The following ASCC1 variants were observed in gnomAD, a reference collection of about 807,000 sequenced individuals.
ASCC1 encodes activating signal cointegrator 1 complex subunit 1, also known as ASC-1 complex subunit P50.
In ASCC1, 35 loss-of-function variants were observed where a neutral mutation model predicts 46.6. The observed-to-expected ratio is 0.75, with a 90% CI of 0.57 to 0.99. The LOEUF is 0.99. Ranked by LOEUF, ASCC1 falls within the 50% of genes least tolerant of loss-of-function variation. The pLI is 0.00. For synonymous variants in ASCC1, 143 were observed against 146.6 expected (o/e 0.98, Z 0.18); for missense variants, 376 against 428.7 (o/e 0.88, Z 1.09).
At chr10:72,101,656 C>T (rs1841775084) in intron 9 of ASCC1, among the ~76,000 whole-genome samples, 1 of 152,116 alleles carries the variant, frequency 6.6e-6, no homozygotes, top group African/African-American at 2.4e-5. Context: ...CTTCATCCTA[C>T]ATGGTGGGGA....
chr10:72,191,238 T>TA (rs1854442689), intron 5 of ASCC1, among the ~76,000 whole-genome samples: 2 of 145,654 alleles, frequency 1.4e-5, no homozygotes, highest in African/African-American at 5.3e-5. Context: ...TTTTTTTTTT[T>TA]GTATTTTTAG....
At chr10:72,189,961 C>A in intron 5 of ASCC1, 1 of 749,962 alleles carries the variant, frequency 1.3e-6, no homozygotes, top group South Asian at 1.4e-5. Context: ...ACAAGTATAT[C>A]CAGGAGCTAC....
At chr10:72,105,366 C>T (rs977637815) in intron 9 of ASCC1, among the ~76,000 whole-genome samples, 1 of 152,216 alleles carries the variant, frequency 6.6e-6, no homozygotes, top group African/African-American at 2.4e-5. Context: ...TCTGCCAGCA[C>T]CCAAAATGGC....
rs183750184 is a variant in ASCC1, at chr10:72,108,137, C to T, written c.958-10687G>A. Among the ~76,000 whole-genome samples the T allele has an allele frequency of 1.9e-3, 276 of 146,462 alleles. 2 individuals carry two copies. Among genetic ancestry groups the T allele is most frequent in the African/African-American group, 6.3e-3 (248 of 39,564 alleles). ...TGTCAGCCAGGCTGGAGTGCAGTGG[C>T]GTGATCACAGCTCACTGCAGCCTCC... On this transcript the variant is annotated intron_variant, in intron 9 of 9. Transcript: ENST00000672957.
chr10:72,162,193 C>T (rs1274479509), intron 5 of ASCC1, among the ~76,000 whole-genome samples: 1 of 151,978 alleles, frequency 6.6e-6, no homozygotes, highest in Non-Finnish European at 1.5e-5. Flanking sequence ...ATTTTTGAGA[C>T]AGAATCTCGC....
intron 6 of ASCC1, among the ~76,000 whole-genome samples, chr10:72,160,006 G>A (rs967034405): frequency 1.3e-5 from 2 of 149,818 alleles, no homozygotes; most frequent in African/African-American, 2.5e-5. Context: ...CCGGGTTCAC[G>A]CCATTCTCCT....
chr10:72,100,151 T>C (rs1213706247), intron 9 of ASCC1, among the ~76,000 whole-genome samples: 4 of 152,110 alleles, frequency 2.6e-5, no homozygotes, highest in Non-Finnish European at 4.4e-5. Flanking sequence ...TCTGTTCTTG[T>C]CCTCTATGTT....
Position 72,096,134 on chromosome 10 carries a change from A to T in ASCC1, c.*1200T>A, listed in dbSNP as rs943049780. On this transcript the variant is annotated 3_prime_UTR_variant, in exon 10 of 10. Coordinates refer to ENST00000672957, the MANE Select transcript of ASCC1 (RefSeq NM_001198800.3). ...TGTAGCAACTTAACACAGAGTTCAG[A>T]AGTGCAGTTAAAGAATATAAAGAGA... 1.1e-5 allele frequency: 5 copies of T among 454,036 alleles called. No individual in the cohort carries two copies. Among genetic ancestry groups the T allele is most frequent in the Admixed American group, 9.4e-5 (4 of 42,554 alleles). The allele number at this position is 454,036 out of a possible 1,614,324, so 28.1% of individuals were successfully genotyped here.
intron 7 of ASCC1, among the ~76,000 whole-genome samples, chr10:72,146,014 C>T (rs988086019): frequency 2.0e-5 from 3 of 152,190 alleles, no homozygotes; most frequent in Non-Finnish European, 2.9e-5. Context: ...AATGCTCTTT[C>T]GTGCCTCTGT....
chr10:72,150,622 G>A (rs1469773994), intron 7 of ASCC1, among the ~76,000 whole-genome samples: 1 of 152,182 alleles, frequency 6.6e-6, no homozygotes, highest in African/African-American at 2.4e-5. Context: ...AGGGATGTAG[G>A]TGTAGTAAGA....
intron 5 of ASCC1, among the ~76,000 whole-genome samples, chr10:72,166,257 C>T (rs1850324211): frequency 6.6e-6 from 1 of 152,062 alleles, no homozygotes; most frequent in Admixed American, 6.6e-5. Flanking sequence ...CTAAATTAGG[C>T]CTGAGAATAA....
intron 5 of ASCC1, chr10:72,190,250 G>A: frequency 1.3e-6 from 1 of 770,722 alleles, no homozygotes; most frequent in Non-Finnish European, 2.4e-6. Flanking sequence ...TGTTGCAGAG[G>A]AATGAGCTGG....
At chr10:72,163,049 G>T (rs1309819498) in intron 5 of ASCC1, among the ~76,000 whole-genome samples, 1 of 151,976 alleles carries the variant, frequency 6.6e-6, no homozygotes, top group Non-Finnish European at 1.5e-5. Context: ...AGTCACTTAG[G>T]GAAATGCAAA....
In ASCC1 at chr10:72,125,475, T is replaced by C. The variant is rs534204017; in HGVS notation, c.957+2607A>G. On this transcript the variant is annotated intron_variant, in intron 9 of 9. Coordinates refer to ENST00000672957, the MANE Select transcript of ASCC1 (RefSeq NM_001198800.3). ...CTATATATATGAAGTTCACTGGTTT[T>C]CTAAATCCTGTTTTTATTTTAAGGG... Among the ~76,000 whole-genome samples, 6 of 152,368 alleles carry C rather than the reference T, an allele frequency of 3.9e-5. No homozygotes were observed. In the East Asian group the frequency reaches 1.2e-3, roughly 29 times the overall value.
chr10:72,125,740 A>T (rs1844788402), intron 9 of ASCC1, among the ~76,000 whole-genome samples: 2 of 152,216 alleles, frequency 1.3e-5, no homozygotes. Flanking sequence ...GTAAAATATT[A>T]AATACTATAC....
intron 8 of ASCC1, among the ~76,000 whole-genome samples, chr10:72,131,439 T>TACACACACACACACACACACACACACAC (rs71927487): frequency 2.9e-5 from 4 of 139,324 alleles, no homozygotes; most frequent in African/African-American, 8.3e-5. Context: ...AAAATAAAAA[T>TACACACACACACACACACACACACACAC]ACACACACAC....
At chr10:72,216,960 C>G (rs1859462710), upstream of ASCC1, 1 of 455,984 alleles carries the variant, frequency 2.2e-6, no homozygotes, top group Non-Finnish European at 4.4e-6. Context: ...GAAAAAAATC[C>G]ATAATGATCC....
rs752805913 is a variant in ASCC1 at position 72,152,968 on chromosome 10, G to T, written c.647C>A (p.Pro216His). ...EFINDISGGK[P>H]LEVEMAGIEY... is the part of the protein sequence containing the mutation. ...TATCCCTGCCATCTCCACTTCTAGG[G>T]GTTTACCCCCAGAAATATCACTGCA... is the stretch of plus-strand genomic sequence containing the variant. The change falls in exon 7 of 10, where the codon CCC (proline) becomes CAC (histidine). Residue 216 changes from proline (P) to histidine (H), a missense_variant. Coordinates refer to ENST00000672957, the MANE Select transcript of ASCC1 (RefSeq NM_001198800.3). 6.2e-7 allele frequency: 1 copy of T among 1,614,002 alleles called. No homozygotes were observed. The highest frequency in any genetic ancestry group is 1.1e-5 in the South Asian group (1 of 91,070).
At chr10:72,205,420 G>C (rs59263178) in intron 3 of ASCC1, among the ~76,000 whole-genome samples, 21,456 of 151,646 alleles carry the variant, frequency 0.14, 4,318 homozygotes, top group African/African-American at 0.45. Context: ...CACCTGAGGT[G>C]AGGAGATCGA....
Sources: gnomAD v4.1 joint callset for allele counts (sites outside exome capture counted in the v4.1 genomes callset) on GRCh38, gnomAD v4.1.1 for gene constraint, MANE v1.5 for transcripts, NCBI Gene and HGNC (gene_info 2026-07-23, HGNC 2026-07-21) for gene names.